Variants in GALNS observed in about 807,000 individuals in gnomAD.
GALNS encodes galactosamine (N-acetyl)-6-sulfatase.
Under a neutral mutation model 65.9 loss-of-function variants are expected in GALNS, and 65 were observed. The observed-to-expected ratio is 0.99, with a 90% CI of 0.81 to 1.21. The LOEUF is 1.21. GALNS is among the 50% of genes most tolerant of loss of function. The pLI is 0.00. For missense variants in GALNS, 776 were observed against 700.7 expected (o/e 1.11, Z -1.21); for synonymous variants, 346 against 288.9 (o/e 1.20, Z -2.00).
chr16:88,839,700 T>C (rs1239160719), intron 4 of GALNS, among the ~76,000 whole-genome samples: 2 of 152,222 alleles, frequency 1.3e-5, no homozygotes, highest in Non-Finnish European at 2.9e-5. Context: ...CACTGCACCA[T>C]GTGCGGGAGG....
chr16:88,821,495 C>T (rs972636974), intron 12 of GALNS, among the ~76,000 whole-genome samples: 3 of 152,214 alleles, frequency 2.0e-5, no homozygotes, highest in Admixed American at 6.5e-5. Context: ...GCTGCCTTCC[C>T]GCAGTCACCA....
chr16:88,844,304 G>T lies in GALNS; in HGVS notation c.121-1475C>A, dbSNP rs566873650. On this transcript the variant is annotated intron_variant, in intron 1 of 13. Coordinates refer to ENST00000268695, the MANE Select transcript of GALNS (RefSeq NM_000512.5). ...TCCGGAGGTGAGTGGCAGCGGCGGT[G>T]TTCACTGAAAACTTCTTCAAATTTT... 2.0e-5 allele frequency: 3 copies of T among 152,264 alleles called. No individual in the cohort carries two copies. In the East Asian group the frequency reaches 5.8e-4, roughly 30 times the overall value. 9.4% of individuals were successfully genotyped at this position (152,264 alleles called of 1,614,324 possible).
intron 10 of GALNS, 94 bp from the exon 11 acceptor site, chr16:88,824,963 G>T (rs765406960): frequency 3.2e-6 from 3 of 933,210 alleles, no homozygotes; most frequent in Non-Finnish European, 5.2e-6. Context: ...AGTGGCTCAT[G>T]CCTCCACGTG....
chr16:88,835,156 C>T (rs1033849932), intron 8 of GALNS, 57 bp downstream of exon 8: 3 of 1,551,384 alleles, frequency 1.9e-6, no homozygotes, highest in Non-Finnish European at 2.6e-6. Flanking sequence ...GGTCCAGGCA[C>T]TCTTCGCTGA....
chr16:88,831,088 C>T (rs1251821327), intron 9 of GALNS, among the ~76,000 whole-genome samples: 1 of 152,236 alleles, frequency 6.6e-6, no homozygotes, highest in African/African-American at 2.4e-5. Flanking sequence ...TCATTACCAG[C>T]ACCCACGTGA....
At chr16:88,816,639 T>G (rs12935469) in intron 13 of GALNS, 364,785 of 984,510 alleles carry the variant, frequency 0.37, 69,695 homozygotes, top group East Asian at 0.66. Flanking sequence ...TCACTGCTGG[T>G]AGGTGCTCCC....
Position 88,856,926 on chromosome 16 carries a change from G to T in GALNS, c.-49C>A, listed in dbSNP as rs761795179. 1.0e-5 allele frequency: 15 copies of T among 1,479,772 alleles called. No homozygotes were observed. The highest frequency in any genetic ancestry group is 4.7e-5 in the Admixed American group (2 of 42,774). 91.7% of individuals were successfully genotyped at this position (1,479,772 alleles called of 1,614,324 possible). ...CCCGGCCAGCGAGCCGACCTAGCGA[G>T]CGTCCGCCGGCCCTTCCGGCTGGGC... On this transcript the variant is annotated 5_prime_UTR_variant, in exon 1 of 14. Coordinates refer to ENST00000268695, the MANE Select transcript of GALNS (RefSeq NM_000512.5).
intron 1 of GALNS, 111 bp from the exon 2 acceptor site, chr16:88,842,940 A>C: frequency 6.5e-7 from 1 of 1,539,406 alleles, no homozygotes; most frequent in Non-Finnish European, 8.7e-7. Flanking sequence ...AGCCAGCACC[A>C]CCCTGTGTCC....
chr16:88,851,033 A>G (rs1245541045), intron 1 of GALNS, among the ~76,000 whole-genome samples: 1 of 151,920 alleles, frequency 6.6e-6, no homozygotes, highest in Non-Finnish European at 1.5e-5. Flanking sequence ...CCTTCTGAGG[A>G]CAGCGTCCCA....
intron 9 of GALNS, among the ~76,000 whole-genome samples, chr16:88,829,159 A>G (rs1029934028): frequency 4.0e-5 from 6 of 151,540 alleles, no homozygotes; most frequent in Non-Finnish European, 5.9e-5. Flanking sequence ...TCTCATGCCA[A>G]CGTCTCCCAG....
chr16:88,816,621 C>T (rs1289887460), intron 13 of GALNS: 2 of 984,980 alleles, frequency 2.0e-6, no homozygotes, highest in African/African-American at 3.5e-5. Context: ...ATCTGCCCTC[C>T]ATGGTCCTCA....
chr16:88,823,325 C>T (rs1910446880), intron 11 of GALNS, among the ~76,000 whole-genome samples: 2 of 152,236 alleles, frequency 1.3e-5, no homozygotes, highest in African/African-American at 4.8e-5. Context: ...GATTCACACA[C>T]TCAAGAAGGG....
rs1597606425 is a variant in GALNS at position 88,855,272 on chromosome 16, G to A, written c.120+1486C>T. 8.6e-6 allele frequency: 6 copies of A among 700,230 alleles called. No individual in the cohort carries two copies. The East Asian group carries it at 1.6e-4, about 19-fold the overall frequency. The allele number at this position is 700,230 out of a possible 1,614,324, so 43.4% of individuals were successfully genotyped here. ...TCAGGAAAAGCAGAAACTTAACAGG[G>A]AGGCTTCACCTGCAGAGCCCAGCTC... On this transcript the variant is annotated intron_variant, in intron 1 of 13. Transcript: ENST00000268695.
Position 88,814,383 on chromosome 16 carries a change from C to T in GALNS, c.*56G>A. 5 of 1,548,548 alleles carry T rather than the reference C, an allele frequency of 3.2e-6. No individual in the cohort carries two copies. Among genetic ancestry groups the T allele is most frequent in the Non-Finnish European group, 4.4e-6 (5 of 1,146,326 alleles). ...ACCGAGGCCAGAGCCATCCTTCCTC[C>T]AGGCACTTGCAGGGCCAACCGGAGA... is the stretch of plus-strand genomic sequence containing the variant. On this transcript the variant is annotated 3_prime_UTR_variant, in exon 14 of 14. Coordinates refer to ENST00000268695, the MANE Select transcript of GALNS (RefSeq NM_000512.5).
At chr16:88,815,068 C>T in intron 13 of GALNS, 6 of 864,116 alleles carry the variant, frequency 6.9e-6, no homozygotes, top group Non-Finnish European at 6.4e-6. Flanking sequence ...CCCAGGTCAA[C>T]CCCGGACCCC....
chr16:88,834,002 G>A (rs972936235), intron 8 of GALNS, among the ~76,000 whole-genome samples: 2 of 151,796 alleles, frequency 1.3e-5, no homozygotes, highest in Non-Finnish European at 2.9e-5. Flanking sequence ...GGGGAATGAC[G>A]GCCAACACCA....
At chr16:88,837,225 CT>C (rs773111547) in intron 5 of GALNS, among the ~76,000 whole-genome samples, 3 of 152,210 alleles carry the variant, frequency 2.0e-5, no homozygotes, top group Non-Finnish European at 4.4e-5. Context: ...CCTGGTGTGG[CT>C]CCCAGTGGGG....
chr16:88,837,782 AG>A lies in GALNS; in HGVS notation c.423-18del. 1 of 1,613,652 alleles carries A rather than the reference AG, an allele frequency of 6.2e-7. No individual in the cohort carries two copies. Among genetic ancestry groups the A allele is most frequent in the Non-Finnish European group, 8.5e-7 (1 of 1,179,878 alleles). ...CCCAGATGCCTGGAAACAGGAACCC[AG>A]GACACTTCAGGGACCCCACGTGGGG... On this transcript the variant is annotated intron_variant, in intron 4 of 13. Coordinates refer to ENST00000268695, the MANE Select transcript of GALNS (RefSeq NM_000512.5).
At chr16:88,817,394 G>C in intron 13 of GALNS, 1 of 985,422 alleles carries the variant, frequency 1.0e-6, no homozygotes, top group Non-Finnish European at 1.2e-6. Flanking sequence ...CAGGCTGCAC[G>C]GAGGTGCTGC....
Sources: gnomAD v4.1 joint callset for allele counts (sites outside exome capture counted in the v4.1 genomes callset) on GRCh38, gnomAD v4.1.1 for gene constraint, MANE v1.5 for transcripts, NCBI Gene and HGNC (gene_info 2026-07-23, HGNC 2026-07-21) for gene names.